SYNJ1: variants seen among roughly 807,000 people sequenced by gnomAD.
SYNJ1 encodes polyphosphatidylinositol phosphatase SYNJ1.
Under a neutral mutation model 168.2 loss-of-function variants are expected in SYNJ1, and 78 were observed. The ratio of observed to expected loss-of-function variants is 0.46; its 90% CI spans 0.39 to 0.56. The LOEUF (loss-of-function observed/expected upper bound fraction) is 0.56. Ranked by LOEUF, SYNJ1 falls within the 20% of genes least tolerant of loss-of-function variation. The pLI, the probability that SYNJ1 is intolerant of heterozygous loss-of-function variation, is 0.00. For missense variants in SYNJ1, 1,303 were observed against 1,597.6 expected, an observed-to-expected ratio of 0.82 and a Z score of 3.14; for synonymous variants, 539 against 548.6, an observed-to-expected ratio of 0.98 and a Z score of 0.24.
In SYNJ1 at chr21:32,639,662, A is replaced by T; in HGVS notation, c.3697+9T>A. 1 of 1,612,650 alleles carries T rather than the reference A, an allele frequency of 6.2e-7. No individual in the cohort carries two copies. Among genetic ancestry groups the T allele is most frequent in the Non-Finnish European group, 8.5e-7 (1 of 1,179,132 alleles). On this transcript the variant is annotated intron_variant, in intron 30 of 32. Transcript: ENST00000674351. Reference sequence around the variant, plus strand: ...ATCCTCCTGCCTCAGCCTCCCAAAGAGGACCTACCTTTCGACGTTTCTGAT... The same window carrying T: ...ATCCTCCTGCCTCAGCCTCCCAAAGTGGACCTACCTTTCGACGTTTCTGAT...
In SYNJ1 at chr21:32,629,307, T is replaced by G. The variant is rs1410590965; in HGVS notation, c.*2498A>C. On this transcript the variant is annotated 3_prime_UTR_variant, in exon 33 of 33. Coordinates refer to ENST00000674351, the MANE Select transcript of SYNJ1 (RefSeq NM_203446.3). Reference sequence around the variant, plus strand: ...ATTCACATTTTGAAGCAACTGCTTATAGTAATACTGCTGTTTAAGACGCTA... The same window carrying G: ...ATTCACATTTTGAAGCAACTGCTTAGAGTAATACTGCTGTTTAAGACGCTA... The G allele has an allele frequency of 5.2e-5, 8 of 152,656 alleles. No homozygotes were observed. 9.5% of individuals were successfully genotyped at this position (152,656 alleles called of 1,614,324 possible).
chr21:32,688,371 A>C lies in SYNJ1; in HGVS notation c.790-4T>G. 1 of 1,612,168 alleles carries C rather than the reference A, an allele frequency of 6.2e-7. No individual in the cohort carries two copies. Among genetic ancestry groups the C allele is most frequent in the Non-Finnish European group, 8.5e-7 (1 of 1,179,266 alleles). ...TACGGACACGATGAGATCCCACCTT[A>C]GACAAGAAAAATATATTTAATCAAA... is the stretch of plus-strand genomic sequence containing the variant. On this transcript the variant is annotated splice_region_variant and splice_polypyrimidine_tract_variant and intron_variant, in intron 6 of 32. Transcript: ENST00000674351.
chr21:32,685,994 A>C, intron 8 of SYNJ1, 77 bp from the exon 9 acceptor site: 2 of 1,443,094 alleles, frequency 1.4e-6, no homozygotes, highest in Non-Finnish European at 1.9e-6. Flanking sequence ...ATCACATTTC[A>C]TTGACACTGG....
rs1464788777 is a variant in SYNJ1, at chr21:32,644,091, A to G, written c.3431-634T>C. The stretch of plus-strand genomic sequence containing the variant: ...CAGGATGTTTTCCTAATTAAAGCAG[A>G]AGATAAGCAAAAATTATCATGGAAA... On this transcript the variant is annotated intron_variant, in intron 26 of 32. Coordinates refer to ENST00000674351, the MANE Select transcript of SYNJ1 (RefSeq NM_203446.3). Among the ~76,000 whole-genome samples, 4 of 152,236 alleles carry G rather than the reference A, an allele frequency of 2.6e-5. No homozygotes were observed. The East Asian group carries it at 7.7e-4, about 29-fold the overall frequency.
intron 2 of SYNJ1, among the ~76,000 whole-genome samples, chr21:32,723,823 T>C (rs1042386714): frequency 6.6e-6 from 1 of 151,978 alleles, no homozygotes; most frequent in Non-Finnish European, 1.5e-5. Context: ...AACAAGACCA[T>C]GTCTCAAAAA....
chr21:32,638,810 T>C (rs1057487676), intron 31 of SYNJ1, 98 bp downstream of exon 31: 1 of 1,182,058 alleles, frequency 8.5e-7, no homozygotes, highest in African/African-American at 1.5e-5. Context: ...CTCGTATTTA[T>C]TTTTACTTCT....
At position 32,629,342 on chromosome 21, in the gene SYNJ1, T is replaced by C. The variant is rs1282517673; in HGVS notation, c.*2463A>G. The C allele has an allele frequency of 6.6e-6, 1 of 152,644 alleles. No individual in the cohort carries two copies. The highest frequency in any genetic ancestry group is 2.4e-5 in the African/African-American group (1 of 41,460). 9.5% of individuals were successfully genotyped at this position (152,644 alleles called of 1,614,324 possible). A position where few individuals can be genotyped will look rare whatever the true frequency, so the allele number is the denominator to read the frequency against. On this transcript the variant is annotated 3_prime_UTR_variant, in exon 33 of 33. Transcript: ENST00000674351. Reference sequence around the variant, plus strand: ...GCTGTTTAAGACGCTACTGCTGAAATGATTAGAACCTCCAAAAAGCACAAT... The same window carrying C: ...GCTGTTTAAGACGCTACTGCTGAAACGATTAGAACCTCCAAAAAGCACAAT...
At chr21:32,701,410 C>T (rs2042395598) in intron 3 of SYNJ1, among the ~76,000 whole-genome samples, 1 of 152,030 alleles carries the variant, frequency 6.6e-6, no homozygotes. Context: ...GTGCAAGCTC[C>T]TTATCTTATC....
chr21:32,671,988 G>A (rs1429421832), intron 14 of SYNJ1, among the ~76,000 whole-genome samples: 1 of 146,314 alleles, frequency 6.8e-6, no homozygotes, highest in Admixed American at 7.0e-5. Context: ...GAACTCGGGA[G>A]GTAGAGGTTG....
rs1318605736 is a variant in SYNJ1 at position 32,695,235 on chromosome 21, T to A, written c.527A>T (p.Asp176Val). 6.2e-7 allele frequency: 1 copy of A among 1,614,130 alleles called. No homozygotes were observed. The highest frequency in any genetic ancestry group is 1.1e-5 in the South Asian group (1 of 91,088). Reference sequence around the variant, plus strand: ...ACACATAAGACGTAATAACCAGTCATCACAATTCACGCCATAGTGTTTGAG... The same window carrying A: ...ACACATAAGACGTAATAACCAGTCAACACAATTCACGCCATAGTGTTTGAG... ...LHLKHYGVNC[D>V]DWLLRLMCGG... is the part of the protein sequence containing the mutation. Residue 176 changes from aspartate (D) to valine (V), a missense_variant, in exon 5 of 33, where the codon GAT becomes GTT. Coordinates refer to ENST00000674351, the MANE Select transcript of SYNJ1 (RefSeq NM_203446.3).
intron 31 of SYNJ1, among the ~76,000 whole-genome samples, chr21:32,638,424 T>C (rs1470312338): frequency 1.3e-5 from 2 of 152,160 alleles, no homozygotes; most frequent in African/African-American, 4.8e-5. Context: ...AGGCTGGGCA[T>C]GGTGGCTCAC....
intron 11 of SYNJ1, among the ~76,000 whole-genome samples, chr21:32,679,486 T>C (rs1344191944): frequency 2.6e-5 from 4 of 152,166 alleles, no homozygotes; most frequent in Admixed American, 2.0e-4. Flanking sequence ...AATGAATATA[T>C]ATTTTACTTA....
chr21:32,635,357 A>G (rs191609928), intron 31 of SYNJ1, among the ~76,000 whole-genome samples: 2 of 152,306 alleles, frequency 1.3e-5, no homozygotes, highest in African/African-American at 2.4e-5. Flanking sequence ...GAGACACCAG[A>G]GAGCGTGTGC....
Position 32,650,259 on chromosome 21 carries a change from T to C in SYNJ1, c.2962A>G (p.Ile988Val), listed in dbSNP as rs2040226195. Residue 988 changes from isoleucine to valine, a missense_variant, in exon 23 of 33, where the codon ATT becomes GTT. This residue lies in a region of SYNJ1 where 920 missense variants were observed against 1,208.8 expected (regional missense o/e 0.76). Transcript: ENST00000674351. ...GAGCTTGTTGATGATGGCAATGCAATGCTAATTTTCTCTAAACTCATTTCT... is the reference window on the plus strand; with the variant it reads ...GAGCTTGTTGATGATGGCAATGCAACGCTAATTTTCTCTAAACTCATTTCT... ...EEEMSLEKISIALPSSTSSTL... is the reference protein window; with the variant it reads ...EEEMSLEKISVALPSSTSSTL... 2 of 1,613,994 alleles carry C rather than the reference T, an allele frequency of 1.2e-6. No individual in the cohort carries two copies. The highest frequency in any genetic ancestry group is 1.3e-5 in the African/African-American group (1 of 74,948).
chr21:32,699,822 G>A lies in SYNJ1; in HGVS notation c.479+16C>T, dbSNP rs1569110733. 6.2e-7 allele frequency: 1 copy of A among 1,601,440 alleles called. No individual in the cohort carries two copies. Among genetic ancestry groups the A allele is most frequent in the East Asian group, 2.2e-5 (1 of 44,706 alleles). ...TATTATGTCCCAAATCACCAAAAGGGAAAAAATGAACTCACCAGAAAAATC... is the reference window on the plus strand; with the variant it reads ...TATTATGTCCCAAATCACCAAAAGGAAAAAAATGAACTCACCAGAAAAATC... On this transcript the variant is annotated intron_variant, in intron 4 of 32. Coordinates refer to ENST00000674351, the MANE Select transcript of SYNJ1 (RefSeq NM_203446.3).
intron 31 of SYNJ1, among the ~76,000 whole-genome samples, chr21:32,635,550 C>T (rs370214909): frequency 1.3e-5 from 2 of 152,128 alleles, no homozygotes; most frequent in South Asian, 2.1e-4. Context: ...GTTGTGTAAG[C>T]CACCCAGTCT....
chr21:32,660,283 C>G lies in SYNJ1; in HGVS notation c.2305-2411G>C, dbSNP rs562870630. ...AGATAAACTAACCCTTGGGCAAAACCTGAATATAAAGGCCTTCCATACTGT... is the reference window on the plus strand; with the variant it reads ...AGATAAACTAACCCTTGGGCAAAACGTGAATATAAAGGCCTTCCATACTGT... On this transcript the variant is annotated intron_variant, in intron 18 of 32. Transcript: ENST00000674351. Among the ~76,000 whole-genome samples the G allele has an allele frequency of 3.5e-4, 54 of 152,324 alleles. No individual in the cohort carries two copies. The South Asian group carries it at 0.011, about 32-fold the overall frequency.
At chr21:32,676,499 A>AC in intron 12 of SYNJ1, 144 bp from the exon 13 acceptor site, 1 of 655,324 alleles carries the variant, frequency 1.5e-6, no homozygotes, top group African/African-American at 1.9e-5. Context: ...GCTATAGAAC[A>AC]CCAAGTGTTA....
At chr21:32,698,318 T>C (rs941626383) in intron 4 of SYNJ1, among the ~76,000 whole-genome samples, 1 of 152,196 alleles carries the variant, frequency 6.6e-6, no homozygotes, top group African/African-American at 2.4e-5. Context: ...TAAAGTTAAG[T>C]TTCTTATCCT....
Sources: gnomAD v4.1 joint callset for allele counts (sites outside exome capture counted in the v4.1 genomes callset) on GRCh38, gnomAD v4.1.1 for gene constraint, gnomAD v4.1.1 regional missense constraint, MANE v1.5 for transcripts, NCBI Gene and HGNC (gene_info 2026-07-23, HGNC 2026-07-21) for gene names.